The following CCND2 variants were observed in gnomAD, a reference collection of about 807,000 sequenced individuals.
CCND2 encodes the protein cyclin D2.
In CCND2, 6 loss-of-function variants were observed where a neutral mutation model predicts 30.2. The observed-to-expected ratio is 0.20, with a 90% CI of 0.11 to 0.39. The LOEUF (loss-of-function observed/expected upper bound fraction) is 0.39. Among genes scored for constraint, CCND2 ranks in the 10% least tolerant of loss-of-function variants. The pLI is 1.00. For missense variants in CCND2, 235 were observed against 373.4 expected, an observed-to-expected ratio of 0.63 and a Z score of 3.06; for synonymous variants, 150 against 153.1, an observed-to-expected ratio of 0.98 and a Z score of 0.15.
At position 4,288,949 on chromosome 12, in the gene CCND2, G is replaced by T. The variant is rs2120560845; in HGVS notation, c.679G>T (p.Ala227Ser). 1.2e-6 allele frequency: 2 copies of T among 1,613,862 alleles called. No individual in the cohort carries two copies. The highest frequency in any genetic ancestry group is 2.2e-5 in the East Asian group (1 of 44,832). Residue 227 changes from alanine (A) to serine (S), a missense_variant, in exon 4 of 5, where the codon GCC (alanine) becomes TCC (serine). Physicochemically the swap from Ala to Ser is moderately conservative, Grantham distance 99. Coordinates refer to ENST00000261254, the MANE Select transcript of CCND2 (RefSeq NM_001759.4). Reference sequence around the variant, plus strand: ...GGAAGTGAGCTCGCTCACTTGTGATGCCCTGACTGAGCTGCTGGCTAAGAT... The same window carrying T: ...GGAAGTGAGCTCGCTCACTTGTGATTCCCTGACTGAGCTGCTGGCTAAGAT... ...DEEVSSLTCDALTELLAKITN... is the reference protein window; with the variant it reads ...DEEVSSLTCDSLTELLAKITN...
Position 4,288,877 on chromosome 12 carries a change from G to T in CCND2, c.607G>T (p.Ala203Ser). 6.2e-7 allele frequency: 1 copy of T among 1,613,406 alleles called. No homozygotes were observed. Residue 203 changes from alanine to serine, a missense_variant, in exon 4 of 5, where the codon GCA becomes TCA. Physicochemically the swap from Ala to Ser is moderately conservative, Grantham distance 99. This residue lies in a region of CCND2 where 178 missense variants were observed against 322.8 expected (regional missense o/e 0.55). Transcript: ENST00000261254. ...KFAMYPPSMI[A>S]TGSVGAAICG... ...TGCCATGTACCCACCGTCGATGATCGCAACTGGAAGTGTGGGAGCAGCCAT... is the reference window on the plus strand; with the variant it reads ...TGCCATGTACCCACCGTCGATGATCTCAACTGGAAGTGTGGGAGCAGCCAT...
intron 3 of CCND2, among the ~76,000 whole-genome samples, chr12:4,279,904 A>G (rs1363741799): frequency 6.6e-6 from 1 of 151,224 alleles, no homozygotes. Flanking sequence ...CGCTAGGTGG[A>G]CTCACGTGGT....
rs1355328605 is a variant in CCND2, at chr12:4,276,557, TA to T, written c.411+339del. On this transcript the variant is annotated intron_variant, in intron 2 of 4. Coordinates refer to ENST00000261254, the MANE Select transcript of CCND2 (RefSeq NM_001759.4). This position sits in a 1 kb window ranked among gnomAD's most constrained non-coding sequence, Gnocchi z 4.8. Reference sequence around the variant, plus strand: ...ATTTTAATTAACAGTGATAATATTTTAATTAAATTCCAAATTTCCAAAAATA... The same window carrying T: ...ATTTTAATTAACAGTGATAATATTTTATTAAATTCCAAATTTCCAAAAATA... Among the ~76,000 whole-genome samples, 1 of 152,196 alleles carries T rather than the reference TA, an allele frequency of 6.6e-6. No homozygotes were observed. The highest frequency in any genetic ancestry group is 1.5e-5 in the Non-Finnish European group (1 of 68,030).
rs957030166 is a variant in CCND2, at chr12:4,274,674, C to A, written c.195+439C>A. On this transcript the variant is annotated intron_variant, in intron 1 of 4. Coordinates refer to ENST00000261254, the MANE Select transcript of CCND2 (RefSeq NM_001759.4). The surrounding 1 kb of genome is among the most constrained non-coding windows in gnomAD (Gnocchi z 7.7). ...AATTCGTCTTGGCCTCAGGTCCCCG[C>A]CTGTGGTCGCGACTCCGCGCTGGCA... is the stretch of plus-strand genomic sequence containing the variant. 3.9e-5 allele frequency among the ~76,000 whole-genome samples: 6 copies of A among 152,184 alleles called. No individual in the cohort carries two copies. Among genetic ancestry groups the A allele is most frequent in the Admixed American group, 6.5e-5 (1 of 15,288 alleles).
intron 3 of CCND2, among the ~76,000 whole-genome samples, chr12:4,279,388 G>T (rs928349985): frequency 2.0e-5 from 3 of 149,454 alleles, no homozygotes; most frequent in Admixed American, 6.6e-5. Flanking sequence ...GGAGACCAAA[G>T]AAATTCTTTT....
chr12:4,279,674 T>C (rs1439357227), intron 3 of CCND2, among the ~76,000 whole-genome samples: 1 of 151,724 alleles, frequency 6.6e-6, no homozygotes, highest in Non-Finnish European at 1.5e-5. Context: ...AAGGCAGTGG[T>C]TTGCTGTTGT....
rs34569142 is a variant in CCND2 at position 4,301,684 on chromosome 12, G to GT, written c.*1690dup. On this transcript the variant is annotated 3_prime_UTR_variant, in exon 5 of 5. Coordinates refer to ENST00000261254, the MANE Select transcript of CCND2 (RefSeq NM_001759.4). ...TTTTAATTTTGTTTTGTTCAGTTTGGTTTTTTTTTTTTTTTGCGCTGCTAA... is the reference window on the plus strand; with the variant it reads ...TTTTAATTTTGTTTTGTTCAGTTTGGTTTTTTTTTTTTTTTTGCGCTGCTAA... 0.056 allele frequency: 10,338 copies of GT among 183,996 alleles called. 58 individuals carry two copies. The highest frequency in any genetic ancestry group is 0.1 in the Middle Eastern group (60 of 578). The allele number at this position is 183,996 out of a possible 1,614,324, so 11.4% of individuals were successfully genotyped here.
chr12:4,274,586 A>G lies in CCND2; in HGVS notation c.195+351A>G, dbSNP rs1285344475. 3.3e-5 allele frequency among the ~76,000 whole-genome samples: 5 copies of G among 151,992 alleles called. No homozygotes were observed. Among genetic ancestry groups the G allele is most frequent in the Non-Finnish European group, 7.4e-5 (5 of 67,992 alleles). ...GGCTGCTTGCGCTGCGGCCAGGAAGAGAGTCGGGGCCTGAAATCGGGACCC... is the reference window on the plus strand; with the variant it reads ...GGCTGCTTGCGCTGCGGCCAGGAAGGGAGTCGGGGCCTGAAATCGGGACCC... On this transcript the variant is annotated intron_variant, in intron 1 of 4. Coordinates refer to ENST00000261254, the MANE Select transcript of CCND2 (RefSeq NM_001759.4). This position sits in a 1 kb window ranked among gnomAD's most constrained non-coding sequence, Gnocchi z 7.7.
rs1246470564 is a variant in CCND2 at position 4,287,394 on chromosome 12, T to G, written c.572-1448T>G. 6.6e-6 allele frequency among the ~76,000 whole-genome samples: 1 copy of G among 152,038 alleles called. No homozygotes were observed. The highest frequency in any genetic ancestry group is 2.4e-5 in the African/African-American group (1 of 41,370). Reference sequence around the variant, plus strand: ...GAAGGGGAAATAGGAGAGGGGCTGGTTTTTGTAGATTTAACCTGATTGTTT... The same window carrying G: ...GAAGGGGAAATAGGAGAGGGGCTGGGTTTTGTAGATTTAACCTGATTGTTT... On this transcript the variant is annotated intron_variant, in intron 3 of 4. Transcript: ENST00000261254. The surrounding 1 kb of genome is among the most constrained non-coding windows in gnomAD (Gnocchi z 4.0).
chr12:4,281,199 A>G (rs1194972610), intron 3 of CCND2, among the ~76,000 whole-genome samples: 1 of 152,224 alleles, frequency 6.6e-6, no homozygotes, highest in Non-Finnish European at 1.5e-5. Flanking sequence ...GGTCCTCGGC[A>G]GTTTCCTGGG....
At chr12:4,279,978 G>A (rs141836854) in intron 3 of CCND2, among the ~76,000 whole-genome samples, 3 of 151,494 alleles carry the variant, frequency 2.0e-5, no homozygotes, top group East Asian at 2.0e-4. Flanking sequence ...ATTATATAAC[G>A]TACGATGTAG....
Position 4,300,204 on chromosome 12 carries a change from C to G in CCND2, c.*195C>G. On this transcript the variant is annotated 3_prime_UTR_variant, in exon 5 of 5. Coordinates refer to ENST00000261254, the MANE Select transcript of CCND2 (RefSeq NM_001759.4). ...ACGGAATAATAAAAAGCATTTGGTGCCTATTTGAAGTACAGCATAAGGGAA... is the reference window on the plus strand; with the variant it reads ...ACGGAATAATAAAAAGCATTTGGTGGCTATTTGAAGTACAGCATAAGGGAA... The G allele has an allele frequency of 1.8e-6, 1 of 565,168 alleles. No individual in the cohort carries two copies. Among genetic ancestry groups the G allele is most frequent in the Non-Finnish European group, 3.1e-6 (1 of 323,102 alleles). The allele number at this position is 565,168 out of a possible 1,614,324, so 35.0% of individuals were successfully genotyped here. A position where few individuals can be genotyped will look rare whatever the true frequency, so the allele number is the denominator to read the frequency against.
In CCND2 at chr12:4,274,338, T is replaced by A; in HGVS notation, c.195+103T>A. The A allele has an allele frequency of 7.9e-7, 1 of 1,261,658 alleles. No homozygotes were observed. Among genetic ancestry groups the A allele is most frequent in the Non-Finnish European group, 1.1e-6 (1 of 891,534 alleles). The allele number at this position is 1,261,658 out of a possible 1,614,324, so 78.2% of individuals were successfully genotyped here. On this transcript the variant is annotated intron_variant, in intron 1 of 4. Transcript: ENST00000261254. The surrounding 1 kb of genome is among the most constrained non-coding windows in gnomAD (Gnocchi z 7.7). The stretch of plus-strand genomic sequence containing the variant: ...GGAGAGGGCAATCCCCGCGCCGGCC[T>A]CCCGGCTCCTGTGCGGGAGTTTACC...
chr12:4,295,475 C>T, intron 4 of CCND2, among the ~76,000 whole-genome samples: 1 of 152,116 alleles, frequency 6.6e-6, no homozygotes, highest in East Asian at 1.9e-4. Context: ...TCAGAGGGGT[C>T]ATCAGTCAAG....
chr12:4,283,268 C>G (rs1250272961), intron 3 of CCND2, among the ~76,000 whole-genome samples: 1 of 152,198 alleles, frequency 6.6e-6, no homozygotes, highest in Non-Finnish European at 1.5e-5. Context: ...GAGGATAAGC[C>G]TTTTGTGCTT....
Position 4,274,366 on chromosome 12 carries a change from G to A in CCND2, c.195+131G>A. 2.2e-6 allele frequency: 2 copies of A among 904,410 alleles called. No homozygotes were observed. Among genetic ancestry groups the A allele is most frequent in the Non-Finnish European group, 3.4e-6 (2 of 582,748 alleles). 56.0% of individuals were successfully genotyped at this position (904,410 alleles called of 1,614,324 possible). On this transcript the variant is annotated intron_variant, in intron 1 of 4. Coordinates refer to ENST00000261254, the MANE Select transcript of CCND2 (RefSeq NM_001759.4). The surrounding 1 kb of genome is among the most constrained non-coding windows in gnomAD (Gnocchi z 7.7). The stretch of plus-strand genomic sequence containing the variant: ...CGGCTCCTGTGCGGGAGTTTACCGC[G>A]CGCCTTCTGGCGAGACGCGTGGCTT...
At position 4,285,257 on chromosome 12, in the gene CCND2, C is replaced by G. The variant is rs1469289351; in HGVS notation, c.572-3585C>G. The G allele has an allele frequency of 4.1e-6, 4 of 982,780 alleles. No homozygotes were observed. In the African/African-American group the frequency reaches 7.0e-5, roughly 17 times the overall value. 60.9% of individuals were successfully genotyped at this position (982,780 alleles called of 1,614,324 possible). A position where few individuals can be genotyped will look rare whatever the true frequency, so the allele number is the denominator to read the frequency against. ...GAATGGATCGCTGATCGGTTCATTG[C>G]CTCTCTCTCTGCTGCAGGAGGAAGG... On this transcript the variant is annotated intron_variant, in intron 3 of 4. Coordinates refer to ENST00000261254, the MANE Select transcript of CCND2 (RefSeq NM_001759.4). This position sits in a 1 kb window ranked among gnomAD's most constrained non-coding sequence, Gnocchi z 4.1.
rs571168771 is a variant in CCND2 at position 4,297,651 on chromosome 12, C to G, written c.721-2209C>G. 1.6e-3 allele frequency: 274 copies of G among 174,854 alleles called. 1 individual carries two copies. Among genetic ancestry groups the G allele is most frequent in the African/African-American group, 6.3e-3 (267 of 42,400 alleles). 10.8% of individuals were successfully genotyped at this position (174,854 alleles called of 1,614,324 possible). A position where few individuals can be genotyped will look rare whatever the true frequency, so the allele number is the denominator to read the frequency against. On this transcript the variant is annotated intron_variant, in intron 4 of 4. Coordinates refer to ENST00000261254, the MANE Select transcript of CCND2 (RefSeq NM_001759.4). ...ACTTTTCGCACCTAGTGAGTGATAA[C>G]CTATGAGGATAATGCTGCCACATGG... is the stretch of plus-strand genomic sequence containing the variant.
intron 3 of CCND2, among the ~76,000 whole-genome samples, chr12:4,281,131 C>T (rs1863942199): frequency 6.6e-6 from 1 of 152,198 alleles, no homozygotes; most frequent in African/African-American, 2.4e-5. Flanking sequence ...CCCCAAACCA[C>T]ATGAAAATGG....
Sources: gnomAD v4.1 joint callset for allele counts (sites outside exome capture counted in the v4.1 genomes callset) on GRCh38, gnomAD v4.1.1 for gene constraint, gnomAD v4.1.1 regional missense constraint, Gnocchi (gnomAD v3.1) non-coding constraint, MANE v1.5 for transcripts, NCBI Gene and HGNC (gene_info 2026-07-23, HGNC 2026-07-21) for gene names.